Variants in KCTD16 observed in about 807,000 individuals in gnomAD.
The protein encoded by KCTD16 is potassium channel tetramerization domain containing 16.
Under a neutral mutation model 33.2 loss-of-function variants are expected in KCTD16, and 13 were observed. That is an observed-to-expected ratio of 0.39 (90% CI 0.25 to 0.62). The LOEUF (loss-of-function observed/expected upper bound fraction) is 0.62, where lower values mean the gene tolerates loss of function less well. Ranked by LOEUF, KCTD16 falls within the 20% of genes least tolerant of loss-of-function variation. The pLI is 0.50. For synonymous variants in KCTD16, 197 were observed against 195.3 expected (o/e 1.01, Z -0.07); for missense variants, 441 against 525.1 (o/e 0.84, Z 1.57).
chr5:144,424,486 C>G (rs1226576643), intron 3 of KCTD16, among the ~76,000 whole-genome samples: 1 of 152,140 alleles, frequency 6.6e-6, no homozygotes, highest in Admixed American at 6.5e-5. Flanking sequence ...AGGCCTTGAT[C>G]CTTAAGCAGT....
intron 2 of KCTD16, among the ~76,000 whole-genome samples, chr5:144,187,424 TCA>T (rs72391987): frequency 0.23 from 33,959 of 150,336 alleles, 4,131 homozygotes; most frequent in African/African-American, 0.31. Context: ...AGAGCTGATT[TCA>T]CACACACACA....
intron 3 of KCTD16, among the ~76,000 whole-genome samples, chr5:144,315,779 T>TTATCTAGCCC (rs1751893579): frequency 6.6e-6 from 1 of 152,168 alleles, no homozygotes; most frequent in Non-Finnish European, 1.5e-5. Flanking sequence ...ATTACTATAT[T>TTATCTAGCCC]TAACTAGATA....
At chr5:144,363,194 T>C (rs1379940150) in intron 3 of KCTD16, among the ~76,000 whole-genome samples, 2 of 151,996 alleles carry the variant, frequency 1.3e-5, no homozygotes, top group Non-Finnish European at 2.9e-5. Context: ...ATACAAAAAT[T>C]AGCCAGACAT....
chr5:144,319,845 G>A lies in KCTD16; in HGVS notation c.832+112299G>A, dbSNP rs140228008. Among the ~76,000 whole-genome samples the A allele has an allele frequency of 2.8e-4, 42 of 152,204 alleles. 1 individual carries two copies. In the East Asian group the frequency reaches 7.5e-3, roughly 27 times the overall value. ...AAAGGTGCTTGTGAAAACTTTGACC[G>A]TGAGTGAAATGAGTTTTTCAAAATT... On this transcript the variant is annotated intron_variant, in intron 3 of 3. Coordinates refer to ENST00000512467, the MANE Select transcript of KCTD16 (RefSeq NM_020768.4).
chr5:144,207,555 A>G lies in KCTD16; in HGVS notation c.832+9A>G, dbSNP rs1036315608. On this transcript the variant is annotated intron_variant, in intron 3 of 3. Transcript: ENST00000512467. Reference sequence around the variant, plus strand: ...TGAATATGTCTTCTACCGTAAGTACAAAGGGTTGTTTTAATTTTTTATGTG... The same window carrying G: ...TGAATATGTCTTCTACCGTAAGTACGAAGGGTTGTTTTAATTTTTTATGTG... 1 of 1,593,134 alleles carries G rather than the reference A, an allele frequency of 6.3e-7. No individual in the cohort carries two copies. The highest frequency in any genetic ancestry group is 8.6e-7 in the Non-Finnish European group (1 of 1,165,928).
intron 3 of KCTD16, among the ~76,000 whole-genome samples, chr5:144,262,455 T>G (rs1755038167): frequency 6.6e-6 from 1 of 152,358 alleles, no homozygotes; most frequent in South Asian, 2.1e-4. Context: ...CTGATTTATG[T>G]TTTAAAACTA....
At chr5:144,368,586 A>T (rs1751891959) in intron 3 of KCTD16, among the ~76,000 whole-genome samples, 1 of 152,166 alleles carries the variant, frequency 6.6e-6, no homozygotes, top group Non-Finnish European at 1.5e-5. Flanking sequence ...TTTAGATAAA[A>T]AAGCCCAGCC....
In KCTD16 at chr5:144,334,788, T is replaced by C. The variant is rs538245495; in HGVS notation, c.832+127242T>C. Among the ~76,000 whole-genome samples the C allele has an allele frequency of 1.1e-4, 16 of 152,246 alleles. No homozygotes were observed. In the South Asian group the frequency reaches 1.2e-3, roughly 12 times the overall value. ...CTTGCCTTTTTCTTTTTTGTTTGTT[T>C]TGTTTTTAGACAGGGTCTCACTCTG... On this transcript the variant is annotated intron_variant, in intron 3 of 3. Transcript: ENST00000512467.
intron 3 of KCTD16, among the ~76,000 whole-genome samples, chr5:144,435,735 C>T (rs545196533): frequency 2.4e-4 from 36 of 152,122 alleles, no homozygotes; most frequent in African/African-American, 8.7e-4. Flanking sequence ...ATTTCCTTCT[C>T]TTTGTGCTTT....
At chr5:144,435,583 T>C (rs1380171975) in intron 3 of KCTD16, among the ~76,000 whole-genome samples, 1 of 152,236 alleles carries the variant, frequency 6.6e-6, no homozygotes, top group Non-Finnish European at 1.5e-5. Flanking sequence ...CAATAAATAT[T>C]CTTGCACATA....
At chr5:144,200,588 AG>A (rs1005923578) in intron 2 of KCTD16, among the ~76,000 whole-genome samples, 1 of 152,180 alleles carries the variant, frequency 6.6e-6, no homozygotes, top group African/African-American at 2.4e-5. Context: ...TATCTCTTTA[AG>A]GGGAGATGGT....
At chr5:144,312,345 T>C (rs1363974272) in intron 3 of KCTD16, among the ~76,000 whole-genome samples, 1 of 152,128 alleles carries the variant, frequency 6.6e-6, no homozygotes, top group Non-Finnish European at 1.5e-5. Context: ...TGATTAAACA[T>C]ATACAGTTGG....
At chr5:144,313,133 T>C (rs1730961870) in intron 3 of KCTD16, among the ~76,000 whole-genome samples, 1 of 152,238 alleles carries the variant, frequency 6.6e-6, no homozygotes, top group African/African-American at 2.4e-5. Flanking sequence ...ATGAACATTA[T>C]TTAAATTGGC....
chr5:144,206,085 A>AG (rs1753161678), intron 2 of KCTD16: 1 of 152,844 alleles, frequency 6.5e-6, no homozygotes, highest in Admixed American at 6.5e-5. Flanking sequence ...GCTGAAAAAA[A>AG]AATTCCCATT....
chr5:144,187,277 T>TA (rs1752746801), intron 2 of KCTD16, among the ~76,000 whole-genome samples: 1 of 152,232 alleles, frequency 6.6e-6, no homozygotes, highest in South Asian at 2.1e-4. Flanking sequence ...TAATAGTTGT[T>TA]ACTATGCATA....
chr5:144,266,509 G>A (rs1041215117), intron 3 of KCTD16, among the ~76,000 whole-genome samples: 3 of 152,196 alleles, frequency 2.0e-5, no homozygotes, highest in African/African-American at 4.8e-5. Flanking sequence ...ATTCACTTGG[G>A]TAATGTTTCA....
intron 3 of KCTD16, among the ~76,000 whole-genome samples, chr5:144,223,738 C>A (rs1753837320): frequency 6.6e-6 from 1 of 151,982 alleles, no homozygotes; most frequent in African/African-American, 2.4e-5. Context: ...GGAGGAATTC[C>A]ATGATTTCAT....
At chr5:144,387,668 G>A (rs1752355026) in intron 3 of KCTD16, among the ~76,000 whole-genome samples, 1 of 152,146 alleles carries the variant, frequency 6.6e-6, no homozygotes. Context: ...GAGGGATTAG[G>A]GAACTCAGGA....
chr5:144,186,808 G>T (rs1465232512), intron 2 of KCTD16, among the ~76,000 whole-genome samples: 1 of 152,138 alleles, frequency 6.6e-6, no homozygotes, highest in Non-Finnish European at 1.5e-5. Context: ...TCTGGCCTCA[G>T]TTTTCTCAGC....
Sources: gnomAD v4.1 joint callset for allele counts (sites outside exome capture counted in the v4.1 genomes callset) on GRCh38, gnomAD v4.1.1 for gene constraint, MANE v1.5 for transcripts, NCBI Gene and HGNC (gene_info 2026-07-23, HGNC 2026-07-21) for gene names.